The following FNIP2 variants were observed in gnomAD, a reference collection of about 807,000 sequenced individuals.
FNIP2 encodes folliculin interacting protein 2, also known as folliculin-interacting protein 2.
A neutral mutation model predicts 108.7 loss-of-function variants in FNIP2; 32 were observed. The observed-to-expected ratio is 0.29, with a 90% CI of 0.22 to 0.40. The LOEUF (loss-of-function observed/expected upper bound fraction) is 0.40, where lower values mean the gene tolerates loss of function less well. Ranked by LOEUF, FNIP2 falls within the 10% of genes least tolerant of loss-of-function variation. The pLI, the probability that FNIP2 is intolerant of heterozygous loss-of-function variation, is 1.00. For synonymous variants in FNIP2, 480 were observed against 496.7 expected (o/e 0.97, Z 0.45); for missense variants, 1,202 against 1,381.6 (o/e 0.87, Z 2.06).
chr4:158,879,960 T>C (rs1051882756), intron 14 of FNIP2, among the ~76,000 whole-genome samples: 1 of 150,178 alleles, frequency 6.7e-6, no homozygotes, highest in Non-Finnish European at 1.5e-5. Flanking sequence ...CTGGAGAGGA[T>C]GTGGAGAAAT....
Position 158,868,643 on chromosome 4 carries a change from A to T in FNIP2, c.2007A>T (p.Glu669Asp). Residue 669 changes from glutamate (E) to aspartate (D), a missense_variant, in exon 13 of 17, where the codon GAA becomes GAT. Transcript: ENST00000264433. The surrounding 1 kb of genome is among the most constrained non-coding windows in gnomAD (Gnocchi z 4.6). ...QDGSSRLPSC[E>D]VLGAGMKMDQ... Reference sequence around the variant, plus strand: ...GCTCTTCAAGACTTCCCAGCTGTGAAGTTTTGGGGGCAGGAATGAAGATGG... The same window carrying T: ...GCTCTTCAAGACTTCCCAGCTGTGATGTTTTGGGGGCAGGAATGAAGATGG... 1.2e-6 allele frequency: 2 copies of T among 1,613,980 alleles called. No individual in the cohort carries two copies. Among genetic ancestry groups the T allele is most frequent in the Non-Finnish European group, 1.7e-6 (2 of 1,179,890 alleles).
At chr4:158,809,370 A>G (rs1234783586) in intron 1 of FNIP2, among the ~76,000 whole-genome samples, 1 of 152,214 alleles carries the variant, frequency 6.6e-6, no homozygotes, top group African/African-American at 2.4e-5. Context: ...GAAGCAGGAT[A>G]ATCACTTGAA....
intron 14 of FNIP2, among the ~76,000 whole-genome samples, chr4:158,875,603 C>T (rs914223218): frequency 3.2e-4 from 48 of 148,414 alleles, no homozygotes; most frequent in Non-Finnish European, 4.4e-4. Context: ...AAAAGAACAG[C>T]AAGTCCCTTC....
intron 1 of FNIP2, among the ~76,000 whole-genome samples, chr4:158,785,404 A>G (rs1431988279): frequency 6.6e-6 from 1 of 152,070 alleles, no homozygotes; most frequent in Non-Finnish European, 1.5e-5. Flanking sequence ...TTAAAACATA[A>G]ATTTGTCTCC....
At chr4:158,872,007 T>G in intron 14 of FNIP2, 14 of 985,030 alleles carry the variant, frequency 1.4e-5, no homozygotes, top group Non-Finnish European at 1.7e-5. Context: ...GTGAGTTGTT[T>G]TTTTTTTTCT....
chr4:158,871,733 G>C (rs762659261), intron 14 of FNIP2: 21 of 985,066 alleles, frequency 2.1e-5, no homozygotes, highest in Non-Finnish European at 2.4e-5. Flanking sequence ...AGTTGCTTTT[G>C]TCCCTATAAT....
At chr4:158,821,757 G>A (rs1442796406) in intron 1 of FNIP2, among the ~76,000 whole-genome samples, 3 of 152,170 alleles carry the variant, frequency 2.0e-5, no homozygotes, top group African/African-American at 4.8e-5. Context: ...AGCACTGGTG[G>A]CCTTTGTCCT....
chr4:158,842,328 CTTATA>C (rs1411099513), intron 7 of FNIP2, among the ~76,000 whole-genome samples: 1 of 152,130 alleles, frequency 6.6e-6, no homozygotes, highest in Non-Finnish European at 1.5e-5. Context: ...ATTGTAATAA[CTTATA>C]TTAAAAGAAG....
At chr4:158,878,907 A>T (rs1308503543) in intron 14 of FNIP2, among the ~76,000 whole-genome samples, 2 of 135,044 alleles carry the variant, frequency 1.5e-5, no homozygotes, top group African/African-American at 6.0e-5. Flanking sequence ...TAGTCCCTGA[A>T]ATTAAAACTC....
chr4:158,778,689 T>C (rs1165331910), intron 1 of FNIP2, among the ~76,000 whole-genome samples: 1 of 152,218 alleles, frequency 6.6e-6, no homozygotes, highest in East Asian at 1.9e-4. Flanking sequence ...CATAGGTATG[T>C]ATGGGAAAAA....
At chr4:158,831,610 G>T (rs1778486009) in intron 3 of FNIP2, among the ~76,000 whole-genome samples, 1 of 152,066 alleles carries the variant, frequency 6.6e-6, no homozygotes, top group African/African-American at 2.4e-5. Flanking sequence ...AAATAAAAAT[G>T]AACTCTAATA....
intron 1 of FNIP2, among the ~76,000 whole-genome samples, chr4:158,784,408 A>G (rs1014172103): frequency 6.6e-6 from 1 of 152,114 alleles, no homozygotes; most frequent in Admixed American, 6.5e-5. Context: ...ATGGCAGACA[A>G]TTTTTCCACA....
At chr4:158,881,165 ACT>A (rs1248442904) in intron 14 of FNIP2, among the ~76,000 whole-genome samples, 1 of 150,430 alleles carries the variant, frequency 6.6e-6, no homozygotes, top group African/African-American at 2.5e-5. Context: ...GAAGCCAAAG[ACT>A]CTCCCTCTCC....
At chr4:158,883,269 T>C (rs1386581040) in intron 14 of FNIP2, among the ~76,000 whole-genome samples, 1 of 151,960 alleles carries the variant, frequency 6.6e-6, no homozygotes, top group African/African-American at 2.4e-5. Flanking sequence ...TGAGACGGAG[T>C]CTGGCTCTGT....
Position 158,859,144 on chromosome 4 carries a change from C to T in FNIP2, c.945C>T (p.Ile315=), listed in dbSNP as rs552453601. 1 of 1,614,016 alleles carries T rather than the reference C, an allele frequency of 6.2e-7. No homozygotes were observed. Among genetic ancestry groups the T allele is most frequent in the Admixed American group, 1.7e-5 (1 of 60,032 alleles). Reference sequence around the variant, plus strand: ...GGAGGAAGAAAATTGCCATAAGCATCATCTTTTCCCTATGTGAGAAAGAAG... The same window carrying T: ...GGAGGAAGAAAATTGCCATAAGCATTATCTTTTCCCTATGTGAGAAAGAAG... ...MVRRKKIAIS[I]IFSLCEKEEA... is the part of the protein sequence containing the mutation. Residue 315 remains isoleucine (I), a synonymous_variant, in exon 9 of 17, where the codon ATC becomes ATT. Transcript: ENST00000264433.
chr4:158,876,587 G>T (rs1167990826), intron 14 of FNIP2, among the ~76,000 whole-genome samples: 2 of 152,092 alleles, frequency 1.3e-5, no homozygotes, highest in African/African-American at 4.8e-5. Context: ...ATCATTCCAG[G>T]CCCCATATCC....
rs188787205 is a variant in FNIP2, at chr4:158,788,061, G to A, written c.107+18742G>A. 2.1e-3 allele frequency among the ~76,000 whole-genome samples: 319 copies of A among 152,310 alleles called. 2 individuals are homozygous for A. Among genetic ancestry groups the A allele is most frequent in the South Asian group, 4.3e-3 (21 of 4,832 alleles). On this transcript the variant is annotated intron_variant, in intron 1 of 16. Coordinates refer to ENST00000264433, the MANE Select transcript of FNIP2 (RefSeq NM_020840.3). ...ACCCTGACACTATCACTTAATAGCT[G>A]TATGGTCTCGAACAAGTTGCTTAAC...
intron 16 of FNIP2, 101 bp from the exon 17 acceptor site, chr4:158,904,365 C>T (rs1729638810): frequency 9.5e-7 from 1 of 1,048,164 alleles, no homozygotes; most frequent in Non-Finnish European, 1.4e-6. Flanking sequence ...ATCTATCAAA[C>T]TTAGTACCTA....
intron 8 of FNIP2, among the ~76,000 whole-genome samples, chr4:158,855,423 G>A (rs570101536): frequency 2.0e-5 from 3 of 152,126 alleles, no homozygotes; most frequent in African/African-American, 7.2e-5. Flanking sequence ...TGTGGCAGAC[G>A]TTTTGAATTG....
Sources: allele counts gnomAD v4.1 joint callset (sites outside exome capture counted in the v4.1 genomes callset), GRCh38; gene constraint gnomAD v4.1.1; non-coding constraint Gnocchi (gnomAD v3.1); transcripts MANE v1.5; gene names NCBI Gene and HGNC (gene_info 2026-07-23, HGNC 2026-07-21).